Variants in MAF observed in about 807,000 individuals in gnomAD.
MAF encodes the protein transcription factor Maf.
In MAF, 10 loss-of-function variants were observed where a neutral mutation model predicts 22.0. The observed-to-expected ratio is 0.45, with a 90% confidence interval of 0.28 to 0.77. The LOEUF (loss-of-function observed/expected upper bound fraction) is 0.77. Ranked by LOEUF, MAF falls within the 30% of genes least tolerant of loss-of-function variation. MAF has a pLI of 0.12. For synonymous variants in MAF, 337 were observed against 255.8 expected (o/e 1.32, Z -3.03); for missense variants, 544 against 548.4 (o/e 0.99, Z 0.08).
chr16:79,431,702 C>T, the MAF span, among the ~76,000 whole-genome samples: 1 of 152,164 alleles, frequency 6.6e-6, no homozygotes, highest in Non-Finnish European at 1.5e-5. Flanking sequence ...TTTCATAAAC[C>T]TCCCGTGATT....
the MAF span, among the ~76,000 whole-genome samples, chr16:79,238,528 G>A: frequency 6.6e-6 from 1 of 151,962 alleles, no homozygotes; most frequent in Admixed American, 6.6e-5. Context: ...TGCTGTTGTT[G>A]CCAGACTGTT....
chr16:79,423,770 C>A, the MAF span, among the ~76,000 whole-genome samples: 1 of 152,170 alleles, frequency 6.6e-6, no homozygotes, highest in Non-Finnish European at 1.5e-5. Context: ...AGCAACTTAA[C>A]TGTATTGAGT....
the MAF span, among the ~76,000 whole-genome samples, chr16:79,543,294 T>C: frequency 3.9e-5 from 6 of 152,214 alleles, no homozygotes; most frequent in African/African-American, 1.4e-4. Context: ...AATGGGATTT[T>C]AAGCCAGGGA....
At chr16:79,282,173 T>C in the MAF span, among the ~76,000 whole-genome samples, 1 of 152,120 alleles carries the variant, frequency 6.6e-6, no homozygotes, top group Non-Finnish European at 1.5e-5. Context: ...CCATGAGTTC[T>C]AGAAATGCCA....
chr16:79,573,191 G>A, the MAF span, among the ~76,000 whole-genome samples: 10,734 of 152,204 alleles, frequency 0.071, 539 homozygotes, highest in Middle Eastern at 0.16. Flanking sequence ...TCTTGTGGTT[G>A]CAACTTTCCC....
the MAF span, among the ~76,000 whole-genome samples, chr16:79,307,814 C>T: frequency 6.6e-6 from 1 of 152,184 alleles, no homozygotes; most frequent in African/African-American, 2.4e-5. Context: ...ATGACAGTCA[C>T]TGTGGTCACC....
the MAF span, among the ~76,000 whole-genome samples, chr16:79,359,236 G>C: frequency 6.6e-6 from 1 of 152,154 alleles, no homozygotes; most frequent in African/African-American, 2.4e-5. Context: ...CCTAAACCAG[G>C]TCATCTTGTT....
downstream of MAF, among the ~76,000 whole-genome samples, chr16:79,583,840 A>C (rs1597830472): frequency 6.6e-6 from 1 of 152,208 alleles, no homozygotes; most frequent in East Asian, 1.9e-4. Flanking sequence ...CAGGTAGCCA[A>C]ATCGGGTGAA....
chr16:79,596,214 C>T, intron 1 of MAF: 1 of 1,061,316 alleles, frequency 9.4e-7, no homozygotes, highest in Non-Finnish European at 1.1e-6. Flanking sequence ...TTTTTCCTAC[C>T]AAGGGCAATT....
the MAF span, among the ~76,000 whole-genome samples, chr16:79,296,857 G>A: frequency 1.3e-3 from 192 of 152,310 alleles, 1 homozygote; most frequent in African/African-American, 4.5e-3. Flanking sequence ...TTTCCCTCGT[G>A]TGTTTTTCTG....
At chr16:79,229,652 G>C in the MAF span, among the ~76,000 whole-genome samples, 1 of 151,974 alleles carries the variant, frequency 6.6e-6, no homozygotes, top group African/African-American at 2.4e-5. Flanking sequence ...GTGGCGAGCA[G>C]CACCTGGGCA....
the MAF span, among the ~76,000 whole-genome samples, chr16:79,402,581 C>T: frequency 0.014 from 2,101 of 152,270 alleles, 44 homozygotes; most frequent in African/African-American, 0.049. Context: ...GCAGGGCTGG[C>T]GTGCAGGCTG....
At chr16:79,251,083 C>CT in the MAF span, among the ~76,000 whole-genome samples, 1,791 of 152,214 alleles carry the variant, frequency 0.012, 39 homozygotes, top group African/African-American at 0.041. Flanking sequence ...AGATTCCCCC[C>CT]GTTTCACAGG....
chr16:79,343,415 T>G, the MAF span, among the ~76,000 whole-genome samples: 1 of 152,212 alleles, frequency 6.6e-6, no homozygotes, highest in Non-Finnish European at 1.5e-5. Flanking sequence ...TGGGCAATTG[T>G]GTCATATTAT....
the MAF span, among the ~76,000 whole-genome samples, chr16:79,347,139 A>G: frequency 6.6e-6 from 1 of 152,166 alleles, no homozygotes; most frequent in South Asian, 2.1e-4. Context: ...TGGCCAGGCT[A>G]TTTCATTTGC....
At chr16:79,595,950 T>A (rs1239769892) in intron 1 of MAF, 2 of 1,060,100 alleles carry the variant, frequency 1.9e-6, no homozygotes, top group East Asian at 5.2e-5. Context: ...AACAAACAAC[T>A]ATGATTTGTC....
At chr16:79,261,217 A>G in the MAF span, among the ~76,000 whole-genome samples, 1 of 152,130 alleles carries the variant, frequency 6.6e-6, no homozygotes, top group Non-Finnish European at 1.5e-5. Context: ...CAATGGCATG[A>G]TCTCAGTTCA....
chr16:79,568,072 T>C, the MAF span, among the ~76,000 whole-genome samples: 1 of 152,250 alleles, frequency 6.6e-6, no homozygotes, highest in African/African-American at 2.4e-5. Context: ...CAAAATGAAC[T>C]ACAGTAAAGA....
At chr16:79,212,759 G>GCGCTT in the MAF span, 2 of 151,986 alleles carry the variant, frequency 1.3e-5, no homozygotes, top group Non-Finnish European at 2.9e-5. Flanking sequence ...GAAAAATAAA[G>GCGCTT]CGCTTCTAAT....
Sources: gnomAD v4.1 joint callset for allele counts (sites outside exome capture counted in the v4.1 genomes callset) on GRCh38, gnomAD v4.1.1 for gene constraint, MANE v1.5 for transcripts, NCBI Gene and HGNC (gene_info 2026-07-23, HGNC 2026-07-21) for gene names.